The following CFTR variants were observed in gnomAD, a reference collection of about 807,000 sequenced individuals.
The protein encoded by CFTR is CF transmembrane conductance regulator, also known as cystic fibrosis transmembrane conductance regulator.
Under a neutral mutation model 171.6 loss-of-function variants are expected in CFTR, and 181 were observed. That is an observed-to-expected ratio of 1.05 (90% CI 0.93 to 1.19). CFTR has a LOEUF of 1.19. Ranked by LOEUF, CFTR falls within the 50% of genes most tolerant of loss-of-function variation. CFTR has a pLI of 0.00. For missense variants in CFTR, 1,968 were observed against 1,734.7 expected (o/e 1.13, Z -2.39); for synonymous variants, 583 against 608.0 (o/e 0.96, Z 0.60).
intron 9 of CFTR, among the ~76,000 whole-genome samples, chr7:117,543,609 G>T (rs1799092840): frequency 1.3e-5 from 2 of 152,102 alleles, no homozygotes; most frequent in Admixed American, 1.3e-4. Flanking sequence ...TAAAATGGAG[G>T]CTTCAAAAAG....
chr7:117,498,792 T>C (rs915019563), intron 1 of CFTR, among the ~76,000 whole-genome samples: 3 of 152,002 alleles, frequency 2.0e-5, no homozygotes, highest in African/African-American at 7.2e-5. Flanking sequence ...AGTCCCCTCT[T>C]TCCTCTGCCT....
chr7:117,511,081 A>T (rs990100868), intron 3 of CFTR, among the ~76,000 whole-genome samples: 6 of 152,150 alleles, frequency 3.9e-5, no homozygotes. Context: ...GTATTTAGGT[A>T]CTCAACAGAA....
At chr7:117,519,335 CA>C (rs1157943574) in intron 3 of CFTR, among the ~76,000 whole-genome samples, 1 of 151,822 alleles carries the variant, frequency 6.6e-6, no homozygotes, top group Non-Finnish European at 1.5e-5. Context: ...TGTATGAGCC[CA>C]AAAACTATTG....
rs397508425 is a variant in CFTR at position 117,530,889 on chromosome 7, C to T, written c.274-10C>T. ...TGAAATTTAATTTCTCTGTTTTTCCCCTTTTGTAGGAAGTCACCAAAGCAG... is the reference window on the plus strand; with the variant it reads ...TGAAATTTAATTTCTCTGTTTTTCCTCTTTTGTAGGAAGTCACCAAAGCAG... On this transcript the variant is annotated splice_polypyrimidine_tract_variant and intron_variant, in intron 3 of 26. Transcript: ENST00000003084. The T allele has an allele frequency of 6.4e-7, 1 of 1,565,048 alleles. No homozygotes were observed. Among genetic ancestry groups the T allele is most frequent in the South Asian group, 1.1e-5 (1 of 89,912 alleles).
intron 15 of CFTR, among the ~76,000 whole-genome samples, chr7:117,598,572 G>T (rs749893377): frequency 6.6e-6 from 1 of 152,158 alleles, no homozygotes; most frequent in African/African-American, 2.4e-5. Context: ...ATATCTAAAC[G>T]TATGTACCAA....
chr7:117,572,981 T>A (rs1489220010), intron 11 of CFTR, among the ~76,000 whole-genome samples: 3 of 152,094 alleles, frequency 2.0e-5, no homozygotes, highest in Non-Finnish European at 4.4e-5. Context: ...AGCTCAAATG[T>A]ACTCAGTAAA....
chr7:117,504,201 C>CTGTTGT (rs977432920), intron 1 of CFTR, 52 bp from the exon 2 acceptor site: 8 of 1,054,132 alleles, frequency 7.6e-6, no homozygotes, highest in Non-Finnish European at 1.0e-5. Flanking sequence ...GATTCCAAAT[C>CTGTTGT]TGTATGGAGA....
intron 22 of CFTR, among the ~76,000 whole-genome samples, chr7:117,631,763 A>G (rs974876047): frequency 4.6e-5 from 7 of 152,168 alleles, no homozygotes; most frequent in African/African-American, 1.4e-4. Context: ...TAACCTAGTA[A>G]GTAAACTGTT....
chr7:117,603,585 C>T lies in CFTR; in HGVS notation c.2711C>T (p.Ala904Val), dbSNP rs1371395991. The T allele has an allele frequency of 6.2e-7, 1 of 1,613,580 alleles. No homozygotes were observed. The highest frequency in any genetic ancestry group is 8.5e-7 in the Non-Finnish European group (1 of 1,179,648). The change falls in exon 17 of 27, where the codon GCA (alanine) becomes GTA (valine). Residue 904 changes from alanine to valine, a missense_variant. Physicochemically the swap from Ala to Val is moderately conservative, Grantham distance 64. Transcript: ENST00000003084. ...ACTCATAGTAGAAATAACAGCTATGCAGTGATTATCACCAGCACCAGTTCG... is the reference window on the plus strand; with the variant it reads ...ACTCATAGTAGAAATAACAGCTATGTAGTGATTATCACCAGCACCAGTTCG... ...NSTHSRNNSY[A>V]VIITSTSSYY... is the part of the protein sequence containing the mutation.
At chr7:117,562,310 T>A (rs948167035) in intron 11 of CFTR, among the ~76,000 whole-genome samples, 28 of 152,098 alleles carry the variant, frequency 1.8e-4, no homozygotes, top group African/African-American at 6.5e-4. Flanking sequence ...GTTGGTGTAA[T>A]TAAGGAGAAG....
intron 24 of CFTR, among the ~76,000 whole-genome samples, chr7:117,654,381 T>G (rs1337349419): frequency 6.6e-6 from 1 of 152,084 alleles, no homozygotes; most frequent in South Asian, 2.1e-4. Context: ...AGTGCTGGGG[T>G]CTGCTAGAGC....
chr7:117,606,773 G>T lies in CFTR; in HGVS notation c.2988+20G>T. The T allele has an allele frequency of 8.0e-7, 1 of 1,252,016 alleles. No individual in the cohort carries two copies. The highest frequency in any genetic ancestry group is 1.7e-5 in the Admixed American group (1 of 59,500). 77.6% of individuals were successfully genotyped at this position (1,252,016 alleles called of 1,614,324 possible). On this transcript the variant is annotated intron_variant, in intron 18 of 26. Coordinates refer to ENST00000003084, the MANE Select transcript of CFTR (RefSeq NM_000492.4). Reference sequence around the variant, plus strand: ...ATCCAGGTATGTAAAAATAAGTACCGTTAAGTATGTCTGTATTATTAAAAA... The same window carrying T: ...ATCCAGGTATGTAAAAATAAGTACCTTTAAGTATGTCTGTATTATTAAAAA...
At chr7:117,618,578 A>G (rs1792528907) in intron 21 of CFTR, among the ~76,000 whole-genome samples, 1 of 152,206 alleles carries the variant, frequency 6.6e-6, no homozygotes, top group Non-Finnish European at 1.5e-5. Flanking sequence ...TGCTCTCTAA[A>G]TGATGTATCC....
chr7:117,655,194 C>T (rs941526429), intron 24 of CFTR, among the ~76,000 whole-genome samples: 2 of 152,138 alleles, frequency 1.3e-5, no homozygotes, highest in African/African-American at 4.8e-5. Context: ...CCCTTTTGAT[C>T]AATAATTCCA....
intron 3 of CFTR, among the ~76,000 whole-genome samples, chr7:117,512,349 C>T (rs1282701017): frequency 3.9e-5 from 6 of 151,942 alleles, no homozygotes; most frequent in African/African-American, 7.3e-5. Context: ...CTAGCAAGTC[C>T]GGGCACGGGG....
intron 4 of CFTR, among the ~76,000 whole-genome samples, chr7:117,532,566 G>C (rs988899455): frequency 2.0e-5 from 3 of 152,164 alleles, no homozygotes; most frequent in Non-Finnish European, 4.4e-5. Context: ...TTAGTGGTCA[G>C]ACTGTAATGC....
chr7:117,570,204 AAAAC>A (rs1443467899), intron 11 of CFTR, among the ~76,000 whole-genome samples: 3 of 151,842 alleles, frequency 2.0e-5, no homozygotes, highest in Admixed American at 6.6e-5. Flanking sequence ...AAAAAAAAAA[AAAAC>A]AAACAAAAAA....
rs727504712 is a variant in CFTR at position 117,531,122 on chromosome 7, T to G, written c.489+8T>G. On this transcript the variant is annotated splice_region_variant and intron_variant, in intron 4 of 26. Coordinates refer to ENST00000003084, the MANE Select transcript of CFTR (RefSeq NM_000492.4). The stretch of plus-strand genomic sequence containing the variant: ...AGTTTGATTTATAAGAAGGTAATAC[T>G]TCCTTGCACAGGCCCCATGGCACAT... 1.8e-5 allele frequency: 29 copies of G among 1,592,996 alleles called. No homozygotes were observed. Among genetic ancestry groups the G allele is most frequent in the Non-Finnish European group, 2.4e-5 (28 of 1,162,642 alleles).
chr7:117,556,770 C>T (rs904766554), intron 10 of CFTR, among the ~76,000 whole-genome samples: 2 of 151,120 alleles, frequency 1.3e-5, no homozygotes, highest in East Asian at 2.0e-4. Context: ...CCGCCCGCCT[C>T]GGCCTCCCAA....
Sources: allele counts gnomAD v4.1 joint callset (sites outside exome capture counted in the v4.1 genomes callset), GRCh38; gene constraint gnomAD v4.1.1; transcripts MANE v1.5; gene names NCBI Gene and HGNC (gene_info 2026-07-23, HGNC 2026-07-21).